Variants in KCTD8 observed in about 807,000 individuals in gnomAD.
KCTD8 encodes potassium channel tetramerization domain containing 8.
A neutral mutation model predicts 31.5 loss-of-function variants in KCTD8; 27 were observed. That is an observed-to-expected ratio of 0.86 (90% CI 0.63 to 1.18). The LOEUF is 1.18. Ranked by LOEUF, KCTD8 falls within the 50% of genes most tolerant of loss-of-function variation. The pLI, the probability that KCTD8 is intolerant of heterozygous loss-of-function variation, is 0.00. For synonymous variants in KCTD8, 290 were observed against 280.0 expected, an observed-to-expected ratio of 1.04 and a Z score of -0.36; for missense variants, 658 against 647.7, an observed-to-expected ratio of 1.02 and a Z score of -0.17.
chr4:44,205,964 C>T (rs1162393249), intron 1 of KCTD8, among the ~76,000 whole-genome samples: 1 of 152,000 alleles, frequency 6.6e-6, no homozygotes, highest in African/African-American at 2.4e-5. Context: ...TTTCTGGAGA[C>T]AGGCAGGTAC....
At chr4:44,244,378 T>C (rs1302086523) in intron 1 of KCTD8, among the ~76,000 whole-genome samples, 1 of 152,086 alleles carries the variant, frequency 6.6e-6, no homozygotes, top group Non-Finnish European at 1.5e-5. Flanking sequence ...CCATGCTGAG[T>C]ACTTTGAACT....
rs769982605 is a variant in KCTD8 at position 44,225,977 on chromosome 4, C to T, written c.962-50727G>A. ...CTGGGACTACAGGTGTCCGCCATCA[C>T]GCCTGGCTAATTTTTTGTTTTTTTG... On this transcript the variant is annotated intron_variant, in intron 1 of 1. Coordinates refer to ENST00000360029, the MANE Select transcript of KCTD8 (RefSeq NM_198353.3). Among the ~76,000 whole-genome samples, 118 of 151,872 alleles carry T rather than the reference C, an allele frequency of 7.8e-4. 1 individual carries two copies. Among genetic ancestry groups the T allele is most frequent in the Non-Finnish European group, 2.4e-4 (16 of 67,978 alleles).
At chr4:44,193,071 T>A (rs1190260070) in intron 1 of KCTD8, among the ~76,000 whole-genome samples, 3 of 152,108 alleles carry the variant, frequency 2.0e-5, no homozygotes, top group Non-Finnish European at 4.4e-5. Context: ...GTTCTGTCCC[T>A]CTAGAGAACC....
chr4:44,300,436 G>A (rs1386130886), intron 1 of KCTD8, among the ~76,000 whole-genome samples: 1 of 151,868 alleles, frequency 6.6e-6, no homozygotes, highest in Non-Finnish European at 1.5e-5. Flanking sequence ...CTATTAAAAG[G>A]TTACGGAAAA....
intron 1 of KCTD8, among the ~76,000 whole-genome samples, chr4:44,295,509 A>T (rs1187559971): frequency 1.4e-5 from 2 of 138,372 alleles, no homozygotes; most frequent in Non-Finnish European, 3.1e-5. Flanking sequence ...AAAGAAAAAA[A>T]TGTAAAAATT....
intron 1 of KCTD8, among the ~76,000 whole-genome samples, chr4:44,229,656 G>T (rs554591392): frequency 6.6e-6 from 1 of 152,032 alleles, no homozygotes; most frequent in African/African-American, 2.4e-5. Flanking sequence ...GTCTCTTCCA[G>T]GCATACTTTT....
At chr4:44,415,621 G>C (rs537629683) in intron 1 of KCTD8, among the ~76,000 whole-genome samples, 1 of 152,290 alleles carries the variant, frequency 6.6e-6, no homozygotes, top group East Asian at 1.9e-4. Context: ...TCCAGCTACA[G>C]CCATGGCTAA....
chr4:44,212,756 A>G (rs1714529247), intron 1 of KCTD8, among the ~76,000 whole-genome samples: 2 of 152,148 alleles, frequency 1.3e-5, no homozygotes, highest in African/African-American at 4.8e-5. Flanking sequence ...AACATTGTTT[A>G]GTTGGAATTT....
chr4:44,284,416 C>T (rs1233243935), intron 1 of KCTD8, among the ~76,000 whole-genome samples: 1 of 152,130 alleles, frequency 6.6e-6, no homozygotes, highest in Non-Finnish European at 1.5e-5. Context: ...ACTGGCTAAC[C>T]ACATGCAGAA....
chr4:44,319,497 G>A (rs1004913408), intron 1 of KCTD8, among the ~76,000 whole-genome samples: 1 of 151,288 alleles, frequency 6.6e-6, no homozygotes, highest in Non-Finnish European at 1.5e-5. Flanking sequence ...GCAAAAATAC[G>A]GAGTGAGAGA....
intron 1 of KCTD8, among the ~76,000 whole-genome samples, chr4:44,317,448 C>T (rs1355399952): frequency 7.1e-6 from 1 of 139,870 alleles, no homozygotes; most frequent in African/African-American, 3.2e-5. Flanking sequence ...ACCTTGTTAG[C>T]CAGGATGGTC....
rs532017276 is a variant in KCTD8 at position 44,408,341 on chromosome 4, G to A, written c.961+39222C>T. Among the ~76,000 whole-genome samples the A allele has an allele frequency of 1.1e-3, 163 of 152,072 alleles. 1 individual carries two copies. The highest frequency in any genetic ancestry group is 3.8e-3 in the African/African-American group (159 of 41,474). Reference sequence around the variant, plus strand: ...AATTATCACTTTGACTCAAATGATCGCTATTTATTAAACAAAAAATTATGT... The same window carrying A: ...AATTATCACTTTGACTCAAATGATCACTATTTATTAAACAAAAAATTATGT... On this transcript the variant is annotated intron_variant, in intron 1 of 1. Transcript: ENST00000360029.
chr4:44,193,461 A>C (rs1004294274), intron 1 of KCTD8, among the ~76,000 whole-genome samples: 2 of 152,184 alleles, frequency 1.3e-5, no homozygotes, highest in Non-Finnish European at 2.9e-5. Flanking sequence ...TGTTAAAACC[A>C]GCTTTCTTTA....
At chr4:44,194,667 C>T (rs1487887664) in intron 1 of KCTD8, among the ~76,000 whole-genome samples, 1 of 151,854 alleles carries the variant, frequency 6.6e-6, no homozygotes, top group African/African-American at 2.4e-5. Flanking sequence ...ATCGGGGTGC[C>T]TACTCTTTGT....
chr4:44,309,957 G>T (rs75484719), intron 1 of KCTD8, among the ~76,000 whole-genome samples: 1 of 151,918 alleles, frequency 6.6e-6, no homozygotes, highest in Admixed American at 6.6e-5. Flanking sequence ...AGGTAATGTC[G>T]TCATAGGATC....
At chr4:44,404,465 C>T (rs1462898570) in intron 1 of KCTD8, among the ~76,000 whole-genome samples, 2 of 152,156 alleles carry the variant, frequency 1.3e-5, no homozygotes, top group Non-Finnish European at 2.9e-5. Context: ...GCCAAGAGAA[C>T]AACTAAATAT....
At chr4:44,264,289 T>C (rs1279354719) in intron 1 of KCTD8, among the ~76,000 whole-genome samples, 1 of 152,198 alleles carries the variant, frequency 6.6e-6, no homozygotes. Flanking sequence ...CTTACCCTAA[T>C]ATTTGGGTCA....
intron 1 of KCTD8, among the ~76,000 whole-genome samples, chr4:44,267,683 T>C (rs573935599): frequency 6.6e-6 from 1 of 152,084 alleles, no homozygotes; most frequent in South Asian, 2.1e-4. Flanking sequence ...AAGAATCAAA[T>C]AGATGCAATA....
At chr4:44,271,959 C>G (rs577078262) in intron 1 of KCTD8, among the ~76,000 whole-genome samples, 21 of 151,920 alleles carry the variant, frequency 1.4e-4, no homozygotes, top group African/African-American at 5.1e-4. Flanking sequence ...AGGGTCTCCC[C>G]AACCAAGCTA....
Sources: allele counts gnomAD v4.1 joint callset (sites outside exome capture counted in the v4.1 genomes callset), GRCh38; gene constraint gnomAD v4.1.1; transcripts MANE v1.5; gene names NCBI Gene and HGNC (gene_info 2026-07-23, HGNC 2026-07-21).